Variants in EYA1 observed in about 807,000 individuals in gnomAD.
The protein encoded by EYA1 is protein phosphatase EYA1.
EYA1 carries 16 observed loss-of-function variants against 82.0 expected under a neutral mutation model. The observed-to-expected ratio is 0.20, with a 90% CI of 0.13 to 0.30. The LOEUF is 0.30. Ranked by LOEUF, EYA1 falls within the 10% of genes least tolerant of loss-of-function variation. The probability of loss-of-function intolerance (pLI) is 1.00; values close to 1 mark genes in which losing one functional copy is unlikely to be tolerated. For synonymous variants in EYA1, 261 were observed against 264.4 expected, an observed-to-expected ratio of 0.99 and a Z score of 0.12; for missense variants, 633 against 730.7, an observed-to-expected ratio of 0.87 and a Z score of 1.54.
intron 2 of EYA1, among the ~76,000 whole-genome samples, chr8:71,387,353 G>T (rs1829024958): frequency 6.6e-6 from 1 of 152,120 alleles, no homozygotes; most frequent in East Asian, 1.9e-4. Flanking sequence ...ACATTTAAGA[G>T]GAGAAGTAAC....
intron 2 of EYA1, among the ~76,000 whole-genome samples, chr8:71,509,074 T>C (rs903353946): frequency 5.3e-4 from 80 of 151,828 alleles, no homozygotes; most frequent in African/African-American, 1.9e-3. Flanking sequence ...ATACAAAAAT[T>C]AGCCAGGGGT....
intron 2 of EYA1, 150 bp downstream of exon 2, chr8:71,356,312 G>T: frequency 1.6e-6 from 1 of 617,948 alleles, no homozygotes; most frequent in Non-Finnish European, 2.7e-6. Flanking sequence ...TACTTAAAAT[G>T]TTTTACAAGC....
At chr8:71,359,828 C>T (rs925084166) in intron 1 of EYA1, among the ~76,000 whole-genome samples, 13 of 151,908 alleles carry the variant, frequency 8.6e-5, no homozygotes, top group Non-Finnish European at 1.6e-4. Flanking sequence ...TTTGTCCAAC[C>T]ACAGATCAAC....
rs767141236 is a variant in EYA1, at chr8:71,304,300, G to T, written c.557-4580C>A. Among the ~76,000 whole-genome samples, 10 of 142,714 alleles carry T rather than the reference G, an allele frequency of 7.0e-5. 1 individual carries two copies. The highest frequency in any genetic ancestry group is 1.1e-4 in the Non-Finnish European group (7 of 62,822). 93.6% of individuals were successfully genotyped at this position (142,714 alleles called of 152,430 possible). On this transcript the variant is annotated intron_variant, in intron 7 of 17. Transcript: ENST00000340726. Reference sequence around the variant, plus strand: ...CATCCCGTTTATAGACGAAGAAACTGCCAGAGGTAATAAGCAACTGTGGCA... The same window carrying T: ...CATCCCGTTTATAGACGAAGAAACTTCCAGAGGTAATAAGCAACTGTGGCA...
intron 1 of EYA1, among the ~76,000 whole-genome samples, chr8:71,539,305 T>C (rs1785835707): frequency 6.6e-6 from 1 of 152,164 alleles, no homozygotes; most frequent in Non-Finnish European, 1.5e-5. Flanking sequence ...CTCTCCATAT[T>C]TTGTAGCTGT....
At chr8:71,389,540 T>C (rs1026262207) in intron 2 of EYA1, among the ~76,000 whole-genome samples, 8 of 152,138 alleles carry the variant, frequency 5.3e-5, no homozygotes, top group Admixed American at 3.3e-4. Flanking sequence ...CATCAGCTTT[T>C]GTCAAAAAGG....
At chr8:71,422,210 T>C (rs147929439) in intron 2 of EYA1, among the ~76,000 whole-genome samples, 139 of 152,336 alleles carry the variant, frequency 9.1e-4, no homozygotes, top group Non-Finnish European at 1.8e-4. Flanking sequence ...TTTTGTCTTG[T>C]TTTGTTATAC....
intron 12 of EYA1, among the ~76,000 whole-genome samples, chr8:71,237,349 T>C (rs111567582): frequency 6.6e-6 from 1 of 152,204 alleles, no homozygotes; most frequent in Non-Finnish European, 1.5e-5. Flanking sequence ...GCTTGATAAT[T>C]TGAATGCTTT....
At chr8:71,369,435 G>A (rs909423040) in intron 2 of EYA1, among the ~76,000 whole-genome samples, 6 of 152,090 alleles carry the variant, frequency 3.9e-5, no homozygotes, top group African/African-American at 1.4e-4. Context: ...TTTCAACACG[G>A]GCTTTCTCTA....
intron 2 of EYA1, among the ~76,000 whole-genome samples, chr8:71,483,824 T>C (rs1002422984): frequency 6.6e-6 from 1 of 152,182 alleles, no homozygotes. Context: ...AAACTTTTCC[T>C]TCCGGCTGAG....
chr8:71,265,409 T>C (rs1180415318), intron 11 of EYA1, among the ~76,000 whole-genome samples: 1 of 152,240 alleles, frequency 6.6e-6, no homozygotes, highest in Non-Finnish European at 1.5e-5. Flanking sequence ...CATACTAAGC[T>C]TTACACTATC....
At chr8:71,359,170 A>G (rs2129075352) in intron 1 of EYA1, among the ~76,000 whole-genome samples, 1 of 152,302 alleles carries the variant, frequency 6.6e-6, no homozygotes. Context: ...TAGAATTCAA[A>G]TTCAAGAATC....
intron 2 of EYA1, among the ~76,000 whole-genome samples, chr8:71,379,468 G>C (rs145713275): frequency 6.6e-6 from 1 of 151,740 alleles, no homozygotes; most frequent in African/African-American, 2.4e-5. Flanking sequence ...AGGACCACCT[G>C]TGTGCCTGAA....
intron 11 of EYA1, among the ~76,000 whole-genome samples, chr8:71,266,542 T>C (rs533816695): frequency 6.6e-6 from 1 of 152,182 alleles, no homozygotes; most frequent in Admixed American, 6.5e-5. Flanking sequence ...AAAAGTCACC[T>C]GGCCAGGAAA....
intron 3 of EYA1, among the ~76,000 whole-genome samples, chr8:71,334,471 C>T (rs1484316987): frequency 1.3e-5 from 2 of 152,126 alleles, no homozygotes; most frequent in Non-Finnish European, 2.9e-5. Flanking sequence ...TAAATTATCT[C>T]TCAAAATCTA....
At chr8:71,343,092 T>A (rs1825326997) in intron 3 of EYA1, among the ~76,000 whole-genome samples, 1 of 152,124 alleles carries the variant, frequency 6.6e-6, no homozygotes, top group Admixed American at 6.6e-5. Flanking sequence ...CTAGAGAAGC[T>A]TTGGGAGGCT....
intron 12 of EYA1, among the ~76,000 whole-genome samples, chr8:71,221,104 A>G (rs957531160): frequency 2.0e-5 from 3 of 152,240 alleles, no homozygotes; most frequent in Admixed American, 6.5e-5. Context: ...AAAGGTCTGA[A>G]GAATTAAAAT....
intron 2 of EYA1, among the ~76,000 whole-genome samples, chr8:71,410,380 G>A (rs974420044): frequency 3.1e-4 from 33 of 107,778 alleles, no homozygotes; most frequent in African/African-American, 1.1e-3. Flanking sequence ...TCTGGCCAGG[G>A]CAATCAGGCA....
At chr8:71,265,972 C>T (rs1815746835) in intron 11 of EYA1, among the ~76,000 whole-genome samples, 1 of 152,176 alleles carries the variant, frequency 6.6e-6, no homozygotes, top group Non-Finnish European at 1.5e-5. Flanking sequence ...GCCTTCTTCC[C>T]ACAGCTAGGA....
Sources: allele counts gnomAD v4.1 joint callset (sites outside exome capture counted in the v4.1 genomes callset), GRCh38; gene constraint gnomAD v4.1.1; transcripts MANE v1.5; gene names NCBI Gene and HGNC (gene_info 2026-07-23, HGNC 2026-07-21).